KANK1: variants seen among roughly 807,000 people sequenced by gnomAD.
The protein encoded by KANK1 is KN motif and ankyrin repeat domains 1, also known as KN motif and ankyrin repeat domain-containing protein 1.
In KANK1, 109 loss-of-function variants were observed where a neutral mutation model predicts 106.2. The observed-to-expected ratio is 1.03, with a 90% CI of 0.88 to 1.20. KANK1 has a LOEUF of 1.20. KANK1 is among the 50% of genes most tolerant of loss of function. The probability of loss-of-function intolerance (pLI) is 0.00; values close to 1 mark genes in which losing one functional copy is unlikely to be tolerated. For synonymous variants in KANK1, 873 were observed against 652.2 expected (o/e 1.34, Z -5.16); for missense variants, 2,399 against 1,710.7 (o/e 1.40, Z -7.10).
chr9:657,679 C>T (rs968292302), intron 1 of KANK1, among the ~76,000 whole-genome samples: 1 of 152,016 alleles, frequency 6.6e-6, no homozygotes, highest in Non-Finnish European at 1.5e-5. Flanking sequence ...TTTCCCATAA[C>T]CATTTTCAGG....
intron 3 of KANK1, among the ~76,000 whole-genome samples, chr9:729,539 C>G (rs1033699850): frequency 3.5e-4 from 54 of 152,354 alleles, no homozygotes; most frequent in African/African-American, 1.3e-3. Flanking sequence ...GATGCAGTCC[C>G]TGTCCCAGTA....
intron 1 of KANK1, among the ~76,000 whole-genome samples, chr9:511,730 A>AT (rs1313242666): frequency 1.3e-5 from 2 of 152,246 alleles, no homozygotes; most frequent in African/African-American, 4.8e-5. Flanking sequence ...AGGGTTTAAA[A>AT]TAAAAACAAA....
chr9:511,674 T>C (rs1353665749), intron 1 of KANK1, among the ~76,000 whole-genome samples: 1 of 152,218 alleles, frequency 6.6e-6, no homozygotes, highest in Non-Finnish European at 1.5e-5. Context: ...TTCTGAATTA[T>C]AGAATTTCTA....
rs534418232 is a variant in KANK1, at chr9:518,899, T to G, written c.-84+14145T>G. ...TAGCATTGTCTTTAAATTTTTTTTTTTTTGTTTTGAGACAGAGTTTCGCTC... is the reference window on the plus strand; with the variant it reads ...TAGCATTGTCTTTAAATTTTTTTTTGTTTGTTTTGAGACAGAGTTTCGCTC... On this transcript the variant is annotated intron_variant, in intron 1 of 11. Coordinates refer to ENST00000382297, the MANE Select transcript of KANK1 (RefSeq NM_015158.5). Among the ~76,000 whole-genome samples the G allele has an allele frequency of 3.7e-3, 561 of 151,572 alleles. 18 individuals are homozygous for G. Among genetic ancestry groups the G allele is most frequent in the African/African-American group, 0.011 (445 of 40,968 alleles).
At chr9:693,754 G>T (rs76466226) in intron 2 of KANK1, 3 of 985,282 alleles carry the variant, frequency 3.0e-6, no homozygotes, top group African/African-American at 3.5e-5. Flanking sequence ...CTTCCTGCTC[G>T]CTGAAAATCA....
In KANK1 at chr9:712,666, T is replaced by TC. The variant is rs764283205; in HGVS notation, c.1901dup (p.Val635CysfsTer2). On this transcript the variant is annotated frameshift_variant, in exon 3 of 12. Coordinates refer to ENST00000382297, the MANE Select transcript of KANK1 (RefSeq NM_015158.5). LOFTEE classifies it high-confidence loss of function. Reference sequence around the variant, plus strand: ...GCGGTCTATCGGTTGTGGAGATTGTTCTGTTGACGTGACCGTCTGCTCTCC... The same window carrying TC: ...GCGGTCTATCGGTTGTGGAGATTGTTCCTGTTGACGTGACCGTCTGCTCTCC... The TC allele has an allele frequency of 1.2e-6, 2 of 1,614,156 alleles. No homozygotes were observed. The highest frequency in any genetic ancestry group is 3.3e-5 in the Admixed American group (2 of 60,022).
chr9:712,078 GT>G lies in KANK1; in HGVS notation c.1313del (p.Val438AlafsTer3), dbSNP rs1402872651. On this transcript the variant is annotated frameshift_variant, in exon 3 of 12. Coordinates refer to ENST00000382297, the MANE Select transcript of KANK1 (RefSeq NM_015158.5). LOFTEE classifies it high-confidence loss of function. ...GTLVEMRNCGVSVTEAMLGVM... is the reference protein window; with the variant it reads ...GTLVEMRNCGXSVTEAMLGVM... Reference sequence around the variant, plus strand: ...ACTTGTTGAGATGAGAAATTGTGGGGTCAGCGTGACAGAGGCCATGCTTGGA... The same window carrying G: ...ACTTGTTGAGATGAGAAATTGTGGGGCAGCGTGACAGAGGCCATGCTTGGA... 1.9e-6 allele frequency: 3 copies of G among 1,614,058 alleles called. No homozygotes were observed. The Admixed American group carries it at 5.0e-5, about 27-fold the overall frequency.
At chr9:555,913 TATA>T (rs1298265376) in intron 1 of KANK1, among the ~76,000 whole-genome samples, 1 of 152,252 alleles carries the variant, frequency 6.6e-6, no homozygotes, top group Non-Finnish European at 1.5e-5. Flanking sequence ...TTCATGATGT[TATA>T]ATAACATCAT....
At chr9:693,279 A>G (rs902040019) in intron 2 of KANK1, 2 of 624,898 alleles carry the variant, frequency 3.2e-6, no homozygotes, top group Admixed American at 6.3e-5. Context: ...ATAAAACTCA[A>G]TCATTTCCTT....
intron 2 of KANK1, chr9:684,338 G>T: frequency 2.0e-5 from 20 of 985,350 alleles, no homozygotes; most frequent in Non-Finnish European, 2.4e-5. Context: ...TGGGTACTGG[G>T]CAAAGAAACC....
intron 1 of KANK1, chr9:539,422 T>C (rs1425153679): frequency 6.6e-6 from 1 of 152,222 alleles, no homozygotes; most frequent in Non-Finnish European, 1.5e-5. Context: ...TCAGTTTCTT[T>C]TAGCAATGTT....
chr9:725,145 CAG>C (rs1344639453), intron 3 of KANK1, among the ~76,000 whole-genome samples: 1 of 151,776 alleles, frequency 6.6e-6, no homozygotes, highest in Non-Finnish European at 1.5e-5. Flanking sequence ...GATTTGGGGA[CAG>C]GGGACTGTTC....
intron 1 of KANK1, among the ~76,000 whole-genome samples, chr9:552,065 T>C: frequency 6.6e-6 from 1 of 151,602 alleles, no homozygotes. Flanking sequence ...AAAACAAAAA[T>C]AAAGGGAGCA....
At chr9:690,156 A>AAAAC (rs1819561429) in intron 2 of KANK1, among the ~76,000 whole-genome samples, 1 of 146,894 alleles carries the variant, frequency 6.8e-6, no homozygotes. Flanking sequence ...AAAAAAAAAA[A>AAAAC]CTAGCTGGGT....
intron 1 of KANK1, among the ~76,000 whole-genome samples, chr9:547,782 G>C (rs2133997884): frequency 6.6e-6 from 1 of 152,300 alleles, no homozygotes; most frequent in East Asian, 1.9e-4. Flanking sequence ...CCACAAAATA[G>C]TAAAACACAT....
Position 738,308 on chromosome 9 carries a change from G to A in KANK1, c.3357G>A (p.Gln1119=), listed in dbSNP as rs749443160. 7 of 1,613,476 alleles carry A rather than the reference G, an allele frequency of 4.3e-6. No individual in the cohort carries two copies. The South Asian group carries it at 4.4e-5, about 10-fold the overall frequency. Reference sequence around the variant, plus strand: ...AGAGGTTCTGTCTGAACACCCTCCAGCACGAGTGGTTCCGCGTGTCCAGTC... The same window carrying A: ...AGAGGTTCTGTCTGAACACCCTCCAACACGAGTGGTTCCGCGTGTCCAGTC... The part of the protein sequence containing the change: ...KDMRFCLNTL[Q]HEWFRVSSQK... Residue 1119 remains glutamine (Q), a synonymous_variant, in exon 8 of 12, where the codon CAG becomes CAA. Transcript: ENST00000382297.
chr9:739,520 A>G (rs907536428), intron 8 of KANK1, among the ~76,000 whole-genome samples: 2 of 152,172 alleles, frequency 1.3e-5, no homozygotes, highest in African/African-American at 2.4e-5. Context: ...AACTGCTTCC[A>G]TCTTACAGGA....
chr9:673,856 A>G (rs1815804081), intron 1 of KANK1: 1 of 152,068 alleles, frequency 6.6e-6, no homozygotes, highest in Non-Finnish European at 1.5e-5. Flanking sequence ...GTGCAAACAC[A>G]CAAGGCTAGC....
At chr9:692,125 C>T (rs370861257) in intron 2 of KANK1, among the ~76,000 whole-genome samples, 1 of 152,026 alleles carries the variant, frequency 6.6e-6, no homozygotes, top group African/African-American at 2.4e-5. Context: ...TAGAGAGAGG[C>T]ACAGTTTTAT....
Sources: allele counts gnomAD v4.1 joint callset (sites outside exome capture counted in the v4.1 genomes callset), GRCh38; gene constraint gnomAD v4.1.1; transcripts MANE v1.5; gene names NCBI Gene and HGNC (gene_info 2026-07-23, HGNC 2026-07-21).